Variants in DAPK2 observed in about 807,000 individuals in gnomAD.
The protein encoded by DAPK2 is death-associated protein kinase 2.
DAPK2 carries 35 observed loss-of-function variants against 44.1 expected under a neutral mutation model. That is an observed-to-expected ratio of 0.79 (90% CI 0.61 to 1.05). DAPK2 has a LOEUF of 1.05. Among genes scored for constraint, DAPK2 ranks in the 50% least tolerant of loss-of-function variants. DAPK2 has a pLI of 0.00. For synonymous variants in DAPK2, 174 were observed against 182.6 expected, an observed-to-expected ratio of 0.95 and a Z score of 0.38; for missense variants, 453 against 483.2, an observed-to-expected ratio of 0.94 and a Z score of 0.59.
At chr15:63,978,275 T>C (rs569618638) in intron 2 of DAPK2, among the ~76,000 whole-genome samples, 1 of 152,314 alleles carries the variant, frequency 6.6e-6, no homozygotes, top group South Asian at 2.1e-4. Context: ...ACCCTTAGTC[T>C]GCCAGCCCCT....
In DAPK2 at chr15:63,915,716, G is replaced by C. The variant is rs908739876; in HGVS notation, c.859-3519C>G. Among the ~76,000 whole-genome samples, 18 of 152,218 alleles carry C rather than the reference G, an allele frequency of 1.2e-4. 1 individual carries two copies. Among genetic ancestry groups the C allele is most frequent in the African/African-American group, 4.3e-4 (18 of 41,536 alleles). ...GGGAGGTGATGCAATTCTTTTGAGG[G>C]CCCTGTTTATAGCTACACACAACAC... On this transcript the variant is annotated intron_variant, in intron 8 of 10. Coordinates refer to ENST00000261891, the Ensembl canonical transcript of DAPK2.
intron 1 of DAPK2, among the ~76,000 whole-genome samples, chr15:63,995,876 C>T (rs1290510937): frequency 6.6e-6 from 1 of 152,214 alleles, no homozygotes; most frequent in Non-Finnish European, 1.5e-5. Flanking sequence ...CTCTCCTGAC[C>T]CCAAATTATT....
At chr15:63,973,491 T>C (rs963373506) in intron 2 of DAPK2, among the ~76,000 whole-genome samples, 1 of 152,240 alleles carries the variant, frequency 6.6e-6, no homozygotes, top group East Asian at 1.9e-4. Flanking sequence ...CCTTTTAGAA[T>C]GGGAATGTGT....
At chr15:63,963,452 CG>C (rs899991799) in intron 3 of DAPK2, among the ~76,000 whole-genome samples, 2 of 152,186 alleles carry the variant, frequency 1.3e-5, no homozygotes, top group African/African-American at 2.4e-5. Flanking sequence ...TGTTCCTATT[CG>C]GCCATCTTGG....
chr15:63,925,484 T>C (rs2079216970), intron 7 of DAPK2, among the ~76,000 whole-genome samples: 1 of 152,094 alleles, frequency 6.6e-6, no homozygotes, highest in Non-Finnish European at 1.5e-5. Context: ...CCCTGGCCCC[T>C]GGAGAAGGGA....
chr15:64,022,558 T>G (rs1306913056), intron 1 of DAPK2, among the ~76,000 whole-genome samples: 2 of 152,176 alleles, frequency 1.3e-5, no homozygotes, highest in African/African-American at 4.8e-5. Context: ...GGCTCAAACC[T>G]GTAATCTCAG....
At chr15:64,032,428 A>C (rs180796959) in intron 1 of DAPK2, among the ~76,000 whole-genome samples, 85 of 152,362 alleles carry the variant, frequency 5.6e-4, no homozygotes, top group African/African-American at 2.0e-3. Context: ...TGATATTCCA[A>C]ATAGGAGAAC....
At chr15:63,952,832 T>C (rs146936219) in intron 3 of DAPK2, among the ~76,000 whole-genome samples, 45 of 152,300 alleles carry the variant, frequency 3.0e-4, no homozygotes, top group Middle Eastern at 6.8e-3. Context: ...TAGTAATTTT[T>C]AAATGTACAA....
intron 1 of DAPK2, 140 bp downstream of exon 2, chr15:64,040,030 G>T: frequency 3.1e-6 from 2 of 648,970 alleles, no homozygotes; most frequent in East Asian, 2.7e-5. Flanking sequence ...CACCCAGGCA[G>T]GTGAATAATC....
chr15:64,010,088 C>G (rs983143526), intron 1 of DAPK2, among the ~76,000 whole-genome samples: 3 of 152,126 alleles, frequency 2.0e-5, no homozygotes, highest in African/African-American at 7.2e-5. Context: ...CAAAGTGTGA[C>G]CCGAGACCAG....
intron 1 of DAPK2, among the ~76,000 whole-genome samples, chr15:64,014,456 A>G (rs1274980737): frequency 6.6e-6 from 1 of 152,248 alleles, no homozygotes; most frequent in Non-Finnish European, 1.5e-5. Context: ...AAAATCACCC[A>G]ATGATTTAGG....
chr15:63,916,936 T>A lies in DAPK2; in HGVS notation c.859-4739A>T, dbSNP rs1266983135. On this transcript the variant is annotated intron_variant, in intron 8 of 10. Transcript: ENST00000261891. The surrounding 1 kb of genome is among the most constrained non-coding windows in gnomAD (Gnocchi z 4.7). ...CACATGTGGACTGTTTGGATCCTGA[T>A]TTGAACAAACCAGCTGTAATGGGAC... 2 of 152,210 alleles carry A rather than the reference T, an allele frequency of 1.3e-5. No homozygotes were observed. Among genetic ancestry groups the A allele is most frequent in the Non-Finnish European group, 2.9e-5 (2 of 68,048 alleles). 9.4% of individuals were successfully genotyped at this position (152,210 alleles called of 1,614,324 possible).
intron 1 of DAPK2, among the ~76,000 whole-genome samples, chr15:64,039,334 C>T (rs998297217): frequency 2.0e-5 from 3 of 152,208 alleles, no homozygotes; most frequent in Admixed American, 6.5e-5. Flanking sequence ...TGGGAGAGGG[C>T]ATAACAGGTG....
At chr15:64,001,341 C>G (rs1035767165) in intron 1 of DAPK2, among the ~76,000 whole-genome samples, 1 of 152,066 alleles carries the variant, frequency 6.6e-6, no homozygotes, top group Non-Finnish European at 1.5e-5. Flanking sequence ...CAGCTTGGCC[C>G]GACAAAGAAC....
chr15:63,976,349 T>C (rs2078346581), intron 2 of DAPK2, among the ~76,000 whole-genome samples: 1 of 152,234 alleles, frequency 6.6e-6, no homozygotes, highest in Admixed American at 6.5e-5. Flanking sequence ...TGGTATAAAA[T>C]ATTTTCCATT....
At position 63,913,435 on chromosome 15, in the gene DAPK2, G is replaced by A. The variant is rs935501025; in HGVS notation, c.859-1238C>T. On this transcript the variant is annotated intron_variant, in intron 8 of 10. Coordinates refer to ENST00000261891, the Ensembl canonical transcript of DAPK2. Reference sequence around the variant, plus strand: ...TGGAGGAGAGTCAATAGCTTTTATCGATTCTCAAAGGCCCCCATGACCTCA... The same window carrying A: ...TGGAGGAGAGTCAATAGCTTTTATCAATTCTCAAAGGCCCCCATGACCTCA... Among the ~76,000 whole-genome samples, 9 of 152,186 alleles carry A rather than the reference G, an allele frequency of 5.9e-5. No individual in the cohort carries two copies. The South Asian group carries it at 1.9e-3, about 32-fold the overall frequency.
intron 2 of DAPK2, among the ~76,000 whole-genome samples, chr15:63,975,727 T>G (rs1266570659): frequency 3.3e-5 from 5 of 152,100 alleles, no homozygotes; most frequent in Non-Finnish European, 7.4e-5. Flanking sequence ...GCCTCCTGAG[T>G]AGCTGAGGTT....
At chr15:63,914,623 T>A (rs763765812) in intron 8 of DAPK2, among the ~76,000 whole-genome samples, 1 of 152,010 alleles carries the variant, frequency 6.6e-6, no homozygotes, top group Non-Finnish European at 1.5e-5. Flanking sequence ...CCTCTATACA[T>A]CCCCACGAGC....
chr15:63,939,400 G>A lies in DAPK2; in HGVS notation c.454-39C>T, dbSNP rs768392118. ...AGTAGAAAAAAAAAAAAGGAAGGAA[G>A]AAAAGAAAAAAAAAGACGGTAATTA... On this transcript the variant is annotated intron_variant, in intron 3 of 10. Transcript: ENST00000261891. This position sits in a 1 kb window ranked among gnomAD's most constrained non-coding sequence, Gnocchi z 4.3. The A allele has an allele frequency of 2.7e-6, 4 of 1,457,808 alleles. No homozygotes were observed. Among genetic ancestry groups the A allele is most frequent in the Admixed American group, 2.1e-5 (1 of 47,562 alleles). The allele number at this position is 1,457,808 out of a possible 1,614,324, so 90.3% of individuals were successfully genotyped here.
Sources: gnomAD v4.1 joint callset for allele counts (sites outside exome capture counted in the v4.1 genomes callset) on GRCh38, gnomAD v4.1.1 for gene constraint, Gnocchi (gnomAD v3.1) non-coding constraint, MANE v1.5 for transcripts, NCBI Gene and HGNC (gene_info 2026-07-23, HGNC 2026-07-21) for gene names.